Variants in TNIK observed in about 807,000 individuals in gnomAD.
TNIK encodes TRAF2 and NCK interacting kinase.
A neutral mutation model predicts 191.3 loss-of-function variants in TNIK; 49 were observed. That is an observed-to-expected ratio of 0.26 (90% CI 0.20 to 0.32). TNIK has a LOEUF of 0.32. TNIK is among the 10% of genes least tolerant of loss of function. TNIK has a pLI of 1.00. For synonymous variants in TNIK, 594 were observed against 600.9 expected (o/e 0.99, Z 0.17); for missense variants, 1,155 against 1,702.3 (o/e 0.68, Z 5.66).
chr3:171,371,678 G>A (rs1716508544), intron 1 of TNIK, among the ~76,000 whole-genome samples: 2 of 152,136 alleles, frequency 1.3e-5, no homozygotes, highest in South Asian at 2.1e-4. Context: ...CACCTGGGAG[G>A]CCTCAGGATC....
intron 1 of TNIK, among the ~76,000 whole-genome samples, chr3:171,450,847 T>C (rs1490682406): frequency 6.6e-6 from 1 of 152,198 alleles, no homozygotes; most frequent in Non-Finnish European, 1.5e-5. Context: ...GCACCAGGAA[T>C]GTGGTGCTGA....
chr3:171,190,290 A>G (rs540121566), intron 6 of TNIK, among the ~76,000 whole-genome samples: 1 of 152,316 alleles, frequency 6.6e-6, no homozygotes, highest in South Asian at 2.1e-4. Flanking sequence ...ACTTAAACCT[A>G]TGGGAATATA....
At chr3:171,353,660 G>A (rs75677424) in intron 2 of TNIK, among the ~76,000 whole-genome samples, 2,875 of 152,178 alleles carry the variant, frequency 0.019, 100 homozygotes, top group African/African-American at 0.066. Flanking sequence ...ATAAAGAGAT[G>A]GCTCTTAAAC....
At chr3:171,101,785 T>TGA in intron 21 of TNIK, 152 bp from the exon 22 acceptor site, 1 of 721,204 alleles carries the variant, frequency 1.4e-6, no homozygotes, top group South Asian at 2.1e-5. Context: ...ACTAAGAAAA[T>TGA]GATGTTTGTA....
At chr3:171,249,479 TG>T (rs1411870451) in intron 2 of TNIK, among the ~76,000 whole-genome samples, 1 of 152,136 alleles carries the variant, frequency 6.6e-6, no homozygotes, top group African/African-American at 2.4e-5. Flanking sequence ...GCTGGAGGGA[TG>T]GGGCAGTGGT....
At chr3:171,388,557 T>C (rs183589757) in intron 1 of TNIK, among the ~76,000 whole-genome samples, 33 of 152,336 alleles carry the variant, frequency 2.2e-4, no homozygotes, top group African/African-American at 7.9e-4. Context: ...GGGGATGAAC[T>C]GTGTCTCCCA....
At chr3:171,296,141 G>GTC (rs1486457231) in intron 2 of TNIK, among the ~76,000 whole-genome samples, 3 of 152,170 alleles carry the variant, frequency 2.0e-5, no homozygotes, top group Non-Finnish European at 4.4e-5. Flanking sequence ...TCAGATCACA[G>GTC]TAGAACTCAT....
intron 18 of TNIK, among the ~76,000 whole-genome samples, chr3:171,111,111 T>G (rs1000280762): frequency 2.0e-5 from 3 of 152,126 alleles, no homozygotes; most frequent in East Asian, 1.9e-4. Flanking sequence ...TCACTAATCA[T>G]CAGGGAAATG....
chr3:171,437,366 T>TC (rs1726156631), intron 1 of TNIK, among the ~76,000 whole-genome samples: 1 of 152,114 alleles, frequency 6.6e-6, no homozygotes, highest in Admixed American at 6.5e-5. Context: ...ATGGGCCTTA[T>TC]CCCCCTATAG....
chr3:171,421,129 GTCTC>G (rs1431706463), intron 1 of TNIK, among the ~76,000 whole-genome samples: 4 of 152,168 alleles, frequency 2.6e-5, no homozygotes, highest in Non-Finnish European at 4.4e-5. Context: ...AGTAAACTAA[GTCTC>G]TCTATCACCT....
chr3:171,067,276 G>GAA (rs937113434), intron 30 of TNIK, among the ~76,000 whole-genome samples: 17 of 150,312 alleles, frequency 1.1e-4, no homozygotes, highest in Non-Finnish European at 1.8e-4. Context: ...AATAATCTGT[G>GAA]AAAAAAAAAT....
rs534490199 is a variant in TNIK at position 171,317,094 on chromosome 3, C to T, written c.123+52526G>A. Among the ~76,000 whole-genome samples the T allele has an allele frequency of 8.6e-5, 13 of 151,450 alleles. No individual in the cohort carries two copies. In the South Asian group the frequency reaches 2.3e-3, roughly 27 times the overall value. On this transcript the variant is annotated intron_variant, in intron 2 of 32. Coordinates refer to ENST00000436636, the MANE Select transcript of TNIK (RefSeq NM_015028.4). ...ACTTAAATAGGATAATATCACAGGTCCTAAATTTCTTCTCCAGAGAATGAC... is the reference window on the plus strand; with the variant it reads ...ACTTAAATAGGATAATATCACAGGTTCTAAATTTCTTCTCCAGAGAATGAC...
At chr3:171,322,910 C>T (rs1443862985) in intron 2 of TNIK, among the ~76,000 whole-genome samples, 1 of 148,504 alleles carries the variant, frequency 6.7e-6, no homozygotes, top group African/African-American at 2.5e-5. Context: ...CCACTACCTG[C>T]TTTTGTATAG....
intron 1 of TNIK, among the ~76,000 whole-genome samples, chr3:171,430,124 C>T (rs1265236602): frequency 6.6e-6 from 1 of 152,094 alleles, no homozygotes; most frequent in African/African-American, 2.4e-5. Flanking sequence ...TACCGCCTTA[C>T]GTTGTTTGAT....
chr3:171,320,895 A>G (rs986110202), intron 2 of TNIK, among the ~76,000 whole-genome samples: 3 of 152,190 alleles, frequency 2.0e-5, no homozygotes, highest in Non-Finnish European at 4.4e-5. Flanking sequence ...GCCTAAACAC[A>G]GGACTGGCTG....
intron 11 of TNIK, among the ~76,000 whole-genome samples, chr3:171,158,052 T>C (rs1057254290): frequency 2.6e-5 from 4 of 152,092 alleles, no homozygotes; most frequent in African/African-American, 9.7e-5. Flanking sequence ...AAATGGACAA[T>C]GGTGGGCAAC....
intron 2 of TNIK, among the ~76,000 whole-genome samples, chr3:171,292,782 A>C (rs1019042202): frequency 9.9e-5 from 15 of 151,260 alleles, no homozygotes; most frequent in African/African-American, 3.6e-4. Flanking sequence ...TCTCAAAAAA[A>C]AAAAAAAAAA....
At chr3:171,157,380 A>G in intron 12 of TNIK, 80 bp downstream of exon 12, 1 of 1,491,782 alleles carries the variant, frequency 6.7e-7, no homozygotes, top group East Asian at 2.5e-5. Flanking sequence ...CACAGGTGGG[A>G]TGTGGGCCCC....
intron 2 of TNIK, among the ~76,000 whole-genome samples, chr3:171,277,286 T>G (rs1011927444): frequency 6.6e-6 from 1 of 152,192 alleles, no homozygotes; most frequent in Non-Finnish European, 1.5e-5. Flanking sequence ...TTATTCTCAT[T>G]TCTCTATAAA....
Sources: allele counts gnomAD v4.1 joint callset (sites outside exome capture counted in the v4.1 genomes callset), GRCh38; gene constraint gnomAD v4.1.1; transcripts MANE v1.5; gene names NCBI Gene and HGNC (gene_info 2026-07-23, HGNC 2026-07-21).